Variants in NPAS3 observed in about 807,000 individuals in gnomAD.
The protein encoded by NPAS3 is neuronal PAS domain protein 3, also known as neuronal PAS domain-containing protein 3.
NPAS3 carries 14 observed loss-of-function variants against 73.1 expected under a neutral mutation model. The ratio of observed to expected loss-of-function variants is 0.19; its 90% confidence interval spans 0.13 to 0.30. The LOEUF (loss-of-function observed/expected upper bound fraction) is 0.30. NPAS3 is among the 10% of genes least tolerant of loss of function. The pLI is 1.00. For synonymous variants in NPAS3, 620 were observed against 541.5 expected (o/e 1.14, Z -2.01); for missense variants, 1,096 against 1,250.0 (o/e 0.88, Z 1.86).
At chr14:33,518,104 A>G (rs186358827) in intron 4 of NPAS3, among the ~76,000 whole-genome samples, 2 of 152,262 alleles carry the variant, frequency 1.3e-5, no homozygotes, top group African/African-American at 4.8e-5. Context: ...TGGCTGAAGA[A>G]TGCTTTCATG....
intron 7 of NPAS3, among the ~76,000 whole-genome samples, chr14:33,765,396 T>C (rs1224659229): frequency 2.0e-5 from 3 of 150,702 alleles, no homozygotes; most frequent in Non-Finnish European, 4.4e-5. Context: ...TCCCCGGAAT[T>C]AATCAGGAGC....
intron 4 of NPAS3, among the ~76,000 whole-genome samples, chr14:33,452,127 G>C (rs1021950727): frequency 6.6e-6 from 1 of 152,088 alleles, no homozygotes; most frequent in Non-Finnish European, 1.5e-5. Context: ...AATCTATATT[G>C]GTTTAATTTT....
At chr14:33,374,003 TGTTCAGGACACAAA>T (rs1456303611) in intron 4 of NPAS3, among the ~76,000 whole-genome samples, 32 of 152,282 alleles carry the variant, frequency 2.1e-4, no homozygotes, top group African/African-American at 6.0e-4. Flanking sequence ...ATAACCCTCT[TGTTCAGGACACAAA>T]TGTGTCCTGT....
intron 4 of NPAS3, among the ~76,000 whole-genome samples, chr14:33,414,420 G>T (rs767107635): frequency 1.4e-4 from 21 of 151,876 alleles, no homozygotes; most frequent in Non-Finnish European, 2.4e-4. Flanking sequence ...CAATTAGCAG[G>T]TTTCTCCATT....
chr14:33,020,769 T>C (rs2039565453), intron 1 of NPAS3, among the ~76,000 whole-genome samples: 1 of 152,146 alleles, frequency 6.6e-6, no homozygotes, highest in Admixed American at 6.5e-5. Flanking sequence ...TTTGTTTCTT[T>C]TTTTTTTTGA....
intron 4 of NPAS3, among the ~76,000 whole-genome samples, chr14:33,479,199 C>T (rs942468048): frequency 2.6e-5 from 4 of 152,194 alleles, no homozygotes; most frequent in African/African-American, 9.7e-5. Flanking sequence ...CTAAGATTAG[C>T]AAATGCATGT....
upstream of NPAS3, among the ~76,000 whole-genome samples, chr14:32,938,482 A>AGAAAGAGAGAGAGAGAGAG (rs2035781447): frequency 4.0e-4 from 6 of 15,052 alleles, no homozygotes; most frequent in Non-Finnish European, 6.3e-4. Flanking sequence ...AGAGAGAGAG[A>AGAAAGAGAGAGAGAGAGAG]AATTGAGAGA....
chr14:33,743,152 A>C (rs2061696417), intron 7 of NPAS3, among the ~76,000 whole-genome samples: 1 of 152,216 alleles, frequency 6.6e-6, no homozygotes, highest in Non-Finnish European at 1.5e-5. Flanking sequence ...AATGCTTTCC[A>C]GAGGGTTTTC....
At chr14:33,079,768 C>A (rs370970083) in intron 2 of NPAS3, among the ~76,000 whole-genome samples, 5 of 151,460 alleles carry the variant, frequency 3.3e-5, no homozygotes, top group Middle Eastern at 3.5e-3. Context: ...TGTACCACCA[C>A]GCCTAGCTAA....
chr14:33,002,984 T>A lies in NPAS3; in HGVS notation c.51-52921T>A, dbSNP rs530600941. On this transcript the variant is annotated intron_variant, in intron 1 of 11. Transcript: ENST00000356141. ...GGCTAGAGCATCTTCATGGGGCAGA[T>A]CATTGAGAGTCTCCCTGTATAGGCA... is the stretch of plus-strand genomic sequence containing the variant. Among the ~76,000 whole-genome samples the A allele has an allele frequency of 2.6e-5, 4 of 152,250 alleles. No homozygotes were observed. In the East Asian group the frequency reaches 7.7e-4, roughly 29 times the overall value.
chr14:33,802,376 T>TAAAAAAAAAAAAAAAAAAA (rs71293230), downstream of NPAS3: 16 of 95,692 alleles, frequency 1.7e-4, no homozygotes, highest in Admixed American at 2.4e-4. Flanking sequence ...GCACATTAAG[T>TAAAAAAAAAAAAAAAAAAA]AAAAAAAAAA....
Position 33,794,449 on chromosome 14 carries a change from G to A in NPAS3, c.1301+405G>A, listed in dbSNP as rs368354434. 2.4e-4 allele frequency among the ~76,000 whole-genome samples: 37 copies of A among 152,216 alleles called. No individual in the cohort carries two copies. The East Asian group carries it at 6.2e-3, about 25-fold the overall frequency. ...TTGTGGAAATGAAGTAAAACAGAGCGGGAGAAAAGTGGCAGGGAACATTAT... is the reference window on the plus strand; with the variant it reads ...TTGTGGAAATGAAGTAAAACAGAGCAGGAGAAAAGTGGCAGGGAACATTAT... On this transcript the variant is annotated intron_variant, in intron 10 of 11. Coordinates refer to ENST00000356141, the Ensembl canonical transcript of NPAS3.
At chr14:33,442,645 A>C (rs2049307135) in intron 4 of NPAS3, among the ~76,000 whole-genome samples, 1 of 152,194 alleles carries the variant, frequency 6.6e-6, no homozygotes, top group South Asian at 2.1e-4. Flanking sequence ...TGCTGCCGCC[A>C]TGTGAAGAAG....
At chr14:33,367,387 A>C in intron 4 of NPAS3, 119 bp downstream of exon 4, 1 of 551,576 alleles carries the variant, frequency 1.8e-6, no homozygotes, top group East Asian at 3.1e-5. Context: ...TTGTGATTTT[A>C]TCTTGAAATT....
rs189948565 is a variant in NPAS3, at chr14:33,751,526, T to G, written c.852+16194T>G. ...AAAATGCATCAGAGATACAAAGCAC[T>G]GCATAGACCTCAATCACTTAGCACT... On this transcript the variant is annotated intron_variant, in intron 7 of 11. Transcript: ENST00000356141. Among the ~76,000 whole-genome samples, 3 of 152,326 alleles carry G rather than the reference T, an allele frequency of 2.0e-5. No individual in the cohort carries two copies. The East Asian group carries it at 5.8e-4, about 29-fold the overall frequency.
At chr14:33,769,248 A>G (rs733314) in intron 7 of NPAS3, among the ~76,000 whole-genome samples, 1 of 152,112 alleles carries the variant, frequency 6.6e-6, no homozygotes, top group Non-Finnish European at 1.5e-5. Flanking sequence ...TTCCAGAACT[A>G]TACCTTCAAC....
At chr14:33,684,152 T>C (rs1203268267) in intron 6 of NPAS3, among the ~76,000 whole-genome samples, 1 of 151,844 alleles carries the variant, frequency 6.6e-6, no homozygotes, top group Non-Finnish European at 1.5e-5. Context: ...ACCAGAGGAA[T>C]TTTCTCCAAG....
intron 3 of NPAS3, among the ~76,000 whole-genome samples, chr14:33,321,832 A>G (rs1260222048): frequency 6.6e-6 from 1 of 152,170 alleles, no homozygotes; most frequent in Admixed American, 6.5e-5. Context: ...GATATTGTCC[A>G]GTAACTGGAA....
intron 2 of NPAS3, among the ~76,000 whole-genome samples, chr14:33,193,562 C>T (rs2046245891): frequency 2.0e-5 from 3 of 152,192 alleles, no homozygotes; most frequent in Non-Finnish European, 4.4e-5. Flanking sequence ...AAAGCTCAGA[C>T]ATTTTACAAT....
Sources: allele counts gnomAD v4.1 joint callset (sites outside exome capture counted in the v4.1 genomes callset), GRCh38; gene constraint gnomAD v4.1.1; transcripts MANE v1.5; gene names NCBI Gene and HGNC (gene_info 2026-07-23, HGNC 2026-07-21).